RARB: variants seen among roughly 807,000 people sequenced by gnomAD.
The protein encoded by RARB is HBV-activated protein.
In RARB, 17 loss-of-function variants were observed where a neutral mutation model predicts 51.9. The ratio of observed to expected loss-of-function variants is 0.33; its 90% CI spans 0.22 to 0.49. RARB has a LOEUF of 0.49. Among genes scored for constraint, RARB ranks in the 20% least tolerant of loss-of-function variants. RARB has a pLI of 0.99. For synonymous variants in RARB, 215 were observed against 195.4 expected (o/e 1.10, Z -0.84); for missense variants, 369 against 550.8 (o/e 0.67, Z 3.30).
intron 2 of RARB, among the ~76,000 whole-genome samples, chr3:24,982,564 G>T (rs533758313): frequency 3.9e-5 from 6 of 152,242 alleles, no homozygotes; most frequent in Admixed American, 2.0e-4. Context: ...CTCCATCTTT[G>T]GTTTTCCTTT....
chr3:25,419,153 T>C (rs557515588), intron 5 of RARB, among the ~76,000 whole-genome samples: 1 of 152,176 alleles, frequency 6.6e-6, no homozygotes, highest in Non-Finnish European at 1.5e-5. Flanking sequence ...AAGGCCTATC[T>C]ATTTAGGTGG....
chr3:25,534,089 TCC>T (rs1470823987), intron 3 of RARB, among the ~76,000 whole-genome samples: 4 of 152,232 alleles, frequency 2.6e-5, no homozygotes, highest in Non-Finnish European at 5.9e-5. Context: ...AGCTCCAACT[TCC>T]TAGAGAATTA....
chr3:25,163,520 T>C, intron 4 of RARB, among the ~76,000 whole-genome samples: 1 of 37,134 alleles, frequency 2.7e-5, no homozygotes, highest in South Asian at 7.2e-4. Flanking sequence ...TATATATATA[T>C]ATATATATAT....
chr3:25,200,067 G>A (rs2125369864), intron 5 of RARB, among the ~76,000 whole-genome samples: 1 of 152,262 alleles, frequency 6.6e-6, no homozygotes, highest in South Asian at 2.1e-4. Flanking sequence ...CACCAGCAGT[G>A]TAAAAGTATT....
At chr3:25,073,922 A>G (rs1574901) in intron 3 of RARB, among the ~76,000 whole-genome samples, 135,773 of 152,190 alleles carry the variant, frequency 0.89, 60,897 homozygotes, top group African/African-American at 0.98. Flanking sequence ...ATGTCAAAGT[A>G]TGAGACTAGA....
intron 5 of RARB, among the ~76,000 whole-genome samples, chr3:25,323,210 G>T (rs1704621609): frequency 6.6e-6 from 1 of 152,212 alleles, no homozygotes; most frequent in Non-Finnish European, 1.5e-5. Flanking sequence ...CCAACACACA[G>T]CATCACTGTC....
chr3:25,358,276 C>T (rs1327903457), intron 5 of RARB, among the ~76,000 whole-genome samples: 1 of 152,140 alleles, frequency 6.6e-6, no homozygotes, highest in African/African-American at 2.4e-5. Flanking sequence ...ATTTGGCTCT[C>T]CGTTTCTCTA....
At chr3:25,338,643 A>C (rs139254815) in intron 5 of RARB, among the ~76,000 whole-genome samples, 1 of 152,318 alleles carries the variant, frequency 6.6e-6, no homozygotes, top group East Asian at 1.9e-4. Context: ...CATCTGCACA[A>C]GCTTCTGTGG....
intron 2 of RARB, among the ~76,000 whole-genome samples, chr3:25,041,128 T>C (rs1431394316): frequency 1.3e-5 from 2 of 152,232 alleles, no homozygotes; most frequent in African/African-American, 4.8e-5. Context: ...ACATGGTCTT[T>C]ACTGCCATTC....
intron 2 of RARB, among the ~76,000 whole-genome samples, chr3:25,031,073 C>A (rs770962105): frequency 2.0e-5 from 3 of 152,110 alleles, no homozygotes; most frequent in Non-Finnish European, 4.4e-5. Flanking sequence ...TGTTTTGTTG[C>A]GAAGGGTTGT....
At chr3:25,152,750 G>A (rs937267361) in intron 4 of RARB, among the ~76,000 whole-genome samples, 2 of 152,112 alleles carry the variant, frequency 1.3e-5, no homozygotes, top group Non-Finnish European at 1.5e-5. Context: ...CTGTAATTGT[G>A]AGTCTTGGCA....
At chr3:25,381,350 T>C (rs895011057) in intron 5 of RARB, among the ~76,000 whole-genome samples, 17 of 152,216 alleles carry the variant, frequency 1.1e-4, no homozygotes, top group African/African-American at 3.9e-4. Flanking sequence ...ACAGTGGCTG[T>C]AGACTCTGGT....
chr3:25,115,921 A>T (rs1699680436), intron 3 of RARB, among the ~76,000 whole-genome samples: 1 of 152,088 alleles, frequency 6.6e-6, no homozygotes, highest in Admixed American at 6.5e-5. Context: ...ATGAGGCTCC[A>T]TGCCTGGCCC....
intron 3 of RARB, among the ~76,000 whole-genome samples, chr3:25,568,807 G>C (rs1293569357): frequency 1.3e-5 from 2 of 152,172 alleles, no homozygotes; most frequent in Non-Finnish European, 2.9e-5. Context: ...CAGAGAACAT[G>C]GACTCCCTGG....
intron 5 of RARB, among the ~76,000 whole-genome samples, chr3:25,283,777 C>T (rs565283920): frequency 6.6e-6 from 1 of 152,328 alleles, no homozygotes; most frequent in Admixed American, 6.5e-5. Context: ...GAATGGCATT[C>T]AGTTAGGGCC....
chr3:24,863,964 C>G (rs1204111428), intron 2 of RARB, among the ~76,000 whole-genome samples: 2 of 152,120 alleles, frequency 1.3e-5, no homozygotes, highest in Non-Finnish European at 2.9e-5. Flanking sequence ...CACCCTATCT[C>G]AATGTCCTGC....
intron 2 of RARB, among the ~76,000 whole-genome samples, chr3:25,004,929 C>T (rs1697238480): frequency 6.6e-6 from 1 of 152,100 alleles, no homozygotes; most frequent in South Asian, 2.1e-4. Flanking sequence ...TTCTCCATTC[C>T]TGTTCCTTTC....
intron 2 of RARB, among the ~76,000 whole-genome samples, chr3:24,889,911 A>G (rs1192074204): frequency 6.7e-6 from 1 of 150,230 alleles, no homozygotes; most frequent in Non-Finnish European, 1.5e-5. Flanking sequence ...CAGGCATGAA[A>G]AAAAAAAAAA....
intron 5 of RARB, among the ~76,000 whole-genome samples, chr3:25,321,850 T>C (rs188249036): frequency 1.1e-4 from 17 of 151,206 alleles, no homozygotes; most frequent in Non-Finnish European, 2.4e-4. Context: ...ATAATTTCAA[T>C]GTGATGTTCT....
Sources: gnomAD v4.1 joint callset for allele counts (sites outside exome capture counted in the v4.1 genomes callset) on GRCh38, gnomAD v4.1.1 for gene constraint, MANE v1.5 for transcripts, NCBI Gene and HGNC (gene_info 2026-07-23, HGNC 2026-07-21) for gene names.